The following PACS2 variants were observed in gnomAD, a reference collection of about 807,000 sequenced individuals.
PACS2 encodes the protein PACS1-like protein.
In PACS2, 36 loss-of-function variants were observed where a neutral mutation model predicts 113.0. The ratio of observed to expected loss-of-function variants is 0.32; its 90% CI spans 0.24 to 0.42. The LOEUF is 0.42. Among genes scored for constraint, PACS2 ranks in the 10% least tolerant of loss-of-function variants. PACS2 has a pLI of 1.00. For missense variants in PACS2, 1,015 were observed against 1,239.5 expected (o/e 0.82, Z 2.72); for synonymous variants, 589 against 536.1 (o/e 1.10, Z -1.36).
chr14:105,328,793 G>A (rs79894079), intron 1 of PACS2, among the ~76,000 whole-genome samples: 2,458 of 152,270 alleles, frequency 0.016, 83 homozygotes, highest in African/African-American at 0.055. Flanking sequence ...TAGACTCATT[G>A]TAAAAAAGAT....
At position 105,394,764 on chromosome 14, in the gene PACS2, G is replaced by A. The variant is rs1184299248; in HGVS notation, c.*92G>A. The A allele has an allele frequency of 5.0e-5, 42 of 832,118 alleles. 1 individual carries two copies. The Admixed American group carries it at 5.7e-4, about 11-fold the overall frequency. 51.5% of individuals were successfully genotyped at this position (832,118 alleles called of 1,614,324 possible). On this transcript the variant is annotated 3_prime_UTR_variant, in exon 25 of 25. Coordinates refer to ENST00000447393, the MANE Select transcript of PACS2 (RefSeq NM_001100913.3). ...ATTTCAGTTTACTACAGAGACAGAC[G>A]CTTAAAACACAAAGAGAAACAGTCT... is the stretch of plus-strand genomic sequence containing the variant.
intron 1 of PACS2, among the ~76,000 whole-genome samples, chr14:105,335,676 A>G (rs1435895724): frequency 6.6e-6 from 1 of 152,052 alleles, no homozygotes; most frequent in South Asian, 2.1e-4. Flanking sequence ...CTCTCACTCC[A>G]CAGCAGCCTC....
At chr14:105,390,757 C>T in intron 20 of PACS2, 1 of 205,648 alleles carries the variant, frequency 4.9e-6, no homozygotes, top group Admixed American at 5.3e-5. Flanking sequence ...TCTCCGGTGA[C>T]AAGAGTACAC....
intron 7 of PACS2, 49 bp from the exon 8 acceptor site, chr14:105,369,792 G>T: frequency 6.7e-7 from 1 of 1,482,780 alleles, no homozygotes; most frequent in East Asian, 2.5e-5. Flanking sequence ...TCCAGCGGCG[G>T]GTCTGCAGCT....
rs1324103378 is a variant in PACS2, at chr14:105,393,597, T to G, written c.2596+262T>G. The G allele has an allele frequency of 1.5e-5, 6 of 393,470 alleles. No individual in the cohort carries two copies. In the South Asian group the frequency reaches 2.1e-4, roughly 14 times the overall value. The allele number at this position is 393,470 out of a possible 1,614,324, so 24.4% of individuals were successfully genotyped here. On this transcript the variant is annotated intron_variant, in intron 24 of 24. Transcript: ENST00000447393. Reference sequence around the variant, plus strand: ...TCTTGTTTGTTTTTTGTTTTGGTTTTTTTTTTTTTGAGACAGAGTTTTGCT... The same window carrying G: ...TCTTGTTTGTTTTTTGTTTTGGTTTGTTTTTTTTTGAGACAGAGTTTTGCT...
chr14:105,305,837 C>A (rs1056727548), intron 1 of PACS2, among the ~76,000 whole-genome samples: 1 of 152,264 alleles, frequency 6.6e-6, no homozygotes, highest in Non-Finnish European at 1.5e-5. Context: ...GGGCACCCAG[C>A]ACCAGCTTCC....
intron 3 of PACS2, among the ~76,000 whole-genome samples, chr14:105,353,374 G>C (rs1234456955): frequency 2.3e-5 from 3 of 132,380 alleles, no homozygotes; most frequent in South Asian, 2.4e-4. Flanking sequence ...TGGGGTGATG[G>C]CCCCCCCTCA....
At chr14:105,380,910 CG>C in intron 11 of PACS2, 46 bp from the exon 12 acceptor site, 1 of 1,568,424 alleles carries the variant, frequency 6.4e-7, no homozygotes, top group Non-Finnish European at 8.7e-7. Flanking sequence ...GGCCGCAGCA[CG>C]GGTGTGGTTT....
Position 105,389,943 on chromosome 14 carries a change from C to CT in PACS2, c.2034-17dup. The CT allele has an allele frequency of 1.2e-6, 2 of 1,612,352 alleles. No individual in the cohort carries two copies. Among genetic ancestry groups the CT allele is most frequent in the South Asian group, 1.1e-5 (1 of 91,048 alleles). On this transcript the variant is annotated splice_polypyrimidine_tract_variant and intron_variant, in intron 19 of 24. Transcript: ENST00000447393. ...TGTGCCCTGAGGAGAGCTTAACTGT[C>CT]TGTTTCCTTGCTCTTAGCCCTGACG... is the stretch of plus-strand genomic sequence containing the variant.
At chr14:105,344,294 A>G (rs1308935338) in intron 1 of PACS2, among the ~76,000 whole-genome samples, 1 of 150,816 alleles carries the variant, frequency 6.6e-6, no homozygotes, top group Non-Finnish European at 1.5e-5. Context: ...TTAATTAATT[A>G]ATTGATTTAT....
chr14:105,305,538 G>C (rs2058162299), intron 1 of PACS2, among the ~76,000 whole-genome samples: 1 of 152,232 alleles, frequency 6.6e-6, no homozygotes, highest in Non-Finnish European at 1.5e-5. Flanking sequence ...GCATCTGCCA[G>C]CACCGTCCTG....
At chr14:105,351,730 A>C (rs898482615) in intron 2 of PACS2, among the ~76,000 whole-genome samples, 5 of 152,300 alleles carry the variant, frequency 3.3e-5, no homozygotes, top group African/African-American at 9.6e-5. Flanking sequence ...CTGTAGTCCC[A>C]GGTGCTAGGG....
chr14:105,309,201 T>C lies in PACS2; in HGVS notation c.-83+8222T>C, dbSNP rs1175294394. On this transcript the variant is annotated intron_variant, in intron 1 of 23. Transcript: ENST00000430725. The surrounding 1 kb of genome is among the most constrained non-coding windows in gnomAD (Gnocchi z 4.0). ...GGCTTATTGTGATGATATTCTATTG[T>C]GGGAAAGAAAGAAGTGTTAAAATTT... Among the ~76,000 whole-genome samples the C allele has an allele frequency of 6.6e-6, 1 of 152,294 alleles. No homozygotes were observed. The highest frequency in any genetic ancestry group is 2.1e-4 in the South Asian group (1 of 4,826).
intron 23 of PACS2, 100 bp from the exon 24 acceptor site, chr14:105,393,122 C>T: frequency 2.2e-6 from 2 of 896,426 alleles, no homozygotes; most frequent in Non-Finnish European, 3.7e-6. Flanking sequence ...AGTGCCATGA[C>T]CAGCTGAGCC....
chr14:105,318,164 G>A (rs1349379873), intron 1 of PACS2, among the ~76,000 whole-genome samples: 1 of 152,176 alleles, frequency 6.6e-6, no homozygotes, highest in Non-Finnish European at 1.5e-5. Context: ...TGTTGTTGTT[G>A]CAGAGACAGG....
At chr14:105,380,257 A>C in intron 11 of PACS2, 103 bp downstream of exon 11, 6 of 925,346 alleles carry the variant, frequency 6.5e-6, no homozygotes, top group South Asian at 1.5e-5. Flanking sequence ...ATAGGTCCTC[A>C]TGTCACACCT....
At chr14:105,368,043 G>T (rs372157423) in intron 5 of PACS2, 31 bp from the exon 6 acceptor site, 1 of 1,486,124 alleles carries the variant, frequency 6.7e-7, no homozygotes, top group Non-Finnish European at 9.4e-7. Flanking sequence ...GAATCTCACG[G>T]CACCCTCCCT....
At chr14:105,320,490 G>A (rs906464200) in intron 1 of PACS2, among the ~76,000 whole-genome samples, 1 of 152,174 alleles carries the variant, frequency 6.6e-6, no homozygotes, top group Admixed American at 6.5e-5. Flanking sequence ...GACTACAGGT[G>A]CATGCCACTG....
intron 1 of PACS2, among the ~76,000 whole-genome samples, chr14:105,326,279 G>A (rs967876662): frequency 1.3e-5 from 2 of 152,228 alleles, no homozygotes; most frequent in Non-Finnish European, 2.9e-5. Flanking sequence ...GACACGGGTG[G>A]GGCGGGGGCT....
Sources: allele counts gnomAD v4.1 joint callset (sites outside exome capture counted in the v4.1 genomes callset), GRCh38; gene constraint gnomAD v4.1.1; non-coding constraint Gnocchi (gnomAD v3.1); transcripts MANE v1.5; gene names NCBI Gene and HGNC (gene_info 2026-07-23, HGNC 2026-07-21).